Variants in SLC25A37 observed in about 807,000 individuals in gnomAD.
SLC25A37 encodes the protein mitoferrin-1.
Under a neutral mutation model 31.0 loss-of-function variants are expected in SLC25A37, and 17 were observed. The observed-to-expected ratio is 0.55, with a 90% confidence interval of 0.38 to 0.82. The LOEUF is 0.82. Ranked by LOEUF, SLC25A37 falls within the 40% of genes least tolerant of loss-of-function variation. SLC25A37 has a pLI of 0.00. For synonymous variants in SLC25A37, 222 were observed against 193.0 expected (o/e 1.15, Z -1.24); for missense variants, 404 against 465.8 (o/e 0.87, Z 1.22).
chr8:23,566,448 G>C (rs1047183797), intron 2 of SLC25A37, 112 bp downstream of exon 2: 1 of 1,489,628 alleles, frequency 6.7e-7, no homozygotes, highest in Non-Finnish European at 8.9e-7. Context: ...GCTTGCTCAC[G>C]AATAAAGAAC....
intron 1 of SLC25A37, among the ~76,000 whole-genome samples, chr8:23,538,529 G>GTGTGTGTGTGTGTGTGTT (rs1270010752): frequency 3.5e-4 from 53 of 151,186 alleles, no homozygotes; most frequent in Non-Finnish European, 6.5e-4. Flanking sequence ...TGTCGTGTGT[G>GTGTGTGTGTGTGTGTGTT]TGTGTGTGTG....
chr8:23,564,882 CCTACCTACCTATCTAAT>C (rs1480699865), intron 1 of SLC25A37, among the ~76,000 whole-genome samples: 3 of 152,020 alleles, frequency 2.0e-5, no homozygotes, highest in African/African-American at 7.3e-5. Context: ...TGTCTGTCTA[CCTACCTACCTATCTAAT>C]CTACCTACCT....
Position 23,529,260 on chromosome 8 carries a change from C to T in SLC25A37, c.210+48C>T. On this transcript the variant is annotated intron_variant, in intron 1 of 3. Transcript: ENST00000519973. The surrounding 1 kb of genome is among the most constrained non-coding windows in gnomAD (Gnocchi z 4.1). Reference sequence around the variant, plus strand: ...GGACGCAACGAGCGGAGAAGGAGCGCGCGCGCGCATTTGCATCCCGCGCGC... The same window carrying T: ...GGACGCAACGAGCGGAGAAGGAGCGTGCGCGCGCATTTGCATCCCGCGCGC... 3 of 1,545,418 alleles carry T rather than the reference C, an allele frequency of 1.9e-6. No individual in the cohort carries two copies. Among genetic ancestry groups the T allele is most frequent in the Non-Finnish European group, 2.6e-6 (3 of 1,143,186 alleles).
At position 23,571,976 on chromosome 8, in the gene SLC25A37, C is replaced by T; in HGVS notation, c.*121C>T. The T allele has an allele frequency of 1.8e-6, 2 of 1,123,892 alleles. No homozygotes were observed. The highest frequency in any genetic ancestry group is 2.6e-5 in the Admixed American group (1 of 38,986). 69.6% of individuals were successfully genotyped at this position (1,123,892 alleles called of 1,614,324 possible). ...GTGCTGCCTATGGGCCCTCTGCTCC[C>T]CAATGCCTTAGAGAGAGGAGGGGAC... On this transcript the variant is annotated 3_prime_UTR_variant, in exon 4 of 4. Transcript: ENST00000519973.
chr8:23,532,720 T>C (rs528685391), intron 1 of SLC25A37, among the ~76,000 whole-genome samples: 11 of 152,288 alleles, frequency 7.2e-5, no homozygotes, highest in Admixed American at 3.9e-4. Flanking sequence ...CACGGAGCGT[T>C]CCCTCTAGGA....
chr8:23,552,649 A>T (rs1802258308), intron 1 of SLC25A37, among the ~76,000 whole-genome samples: 1 of 152,144 alleles, frequency 6.6e-6, no homozygotes. Context: ...CATGGCACCT[A>T]GTTTCCCCAA....
At chr8:23,543,755 G>A (rs895718790) in intron 1 of SLC25A37, among the ~76,000 whole-genome samples, 1 of 151,748 alleles carries the variant, frequency 6.6e-6, no homozygotes, top group African/African-American at 2.4e-5. Flanking sequence ...GTATGGTCTC[G>A]ATCTCCTGAC....
chr8:23,560,425 C>G (rs1802485670), intron 1 of SLC25A37, among the ~76,000 whole-genome samples: 1 of 152,210 alleles, frequency 6.6e-6, no homozygotes, highest in Non-Finnish European at 1.5e-5. Context: ...TCCTTACACT[C>G]CTTCGAGGCA....
intron 1 of SLC25A37, among the ~76,000 whole-genome samples, chr8:23,551,558 G>T (rs1323049577): frequency 1.3e-5 from 2 of 151,386 alleles, no homozygotes. Context: ...TAAGAATGAC[G>T]TCTTTTTTGC....
chr8:23,530,083 C>G (rs750336349), intron 1 of SLC25A37, among the ~76,000 whole-genome samples: 5 of 152,206 alleles, frequency 3.3e-5, no homozygotes, highest in Non-Finnish European at 2.9e-5. Context: ...GCCCAGAACA[C>G]CCCAGGGCCA....
intron 1 of SLC25A37, among the ~76,000 whole-genome samples, chr8:23,546,537 A>ATATATATATATAGGTG (rs1802052021): frequency 4.3e-5 from 1 of 23,438 alleles, no homozygotes; most frequent in African/African-American, 3.7e-4. Flanking sequence ...AGGTGTATAT[A>ATATATATATATAGGTG]TATATATATA....
chr8:23,559,052 G>A (rs1320138518), intron 1 of SLC25A37, among the ~76,000 whole-genome samples: 1 of 152,228 alleles, frequency 6.6e-6, no homozygotes, highest in Non-Finnish European at 1.5e-5. Context: ...GTTTTCACAC[G>A]TGTGTTTGGT....
chr8:23,558,712 T>C (rs2117437845), intron 1 of SLC25A37, among the ~76,000 whole-genome samples: 1 of 152,268 alleles, frequency 6.6e-6, no homozygotes, highest in South Asian at 2.1e-4. Flanking sequence ...CTGGAGCAGA[T>C]CTGGAGCTGG....
At position 23,571,901 on chromosome 8, in the gene SLC25A37, A is replaced by G; in HGVS notation, c.*46A>G. 3 of 1,586,144 alleles carry G rather than the reference A, an allele frequency of 1.9e-6. No homozygotes were observed. The highest frequency in any genetic ancestry group is 2.3e-5 in the South Asian group (2 of 87,682). ...TTTCTTAAAGTCATTCTCTGCCTGC[A>G]TCCAGCCCCTTGCCCTCTCCTCACA... On this transcript the variant is annotated 3_prime_UTR_variant, in exon 4 of 4. Transcript: ENST00000519973.
At chr8:23,561,107 G>A (rs2117443121) in intron 1 of SLC25A37, among the ~76,000 whole-genome samples, 1 of 152,250 alleles carries the variant, frequency 6.6e-6, no homozygotes, top group South Asian at 2.1e-4. Context: ...AGAGCTGTCT[G>A]TTTGGGAACA....
chr8:23,528,956 CT>C lies in SLC25A37; in HGVS notation c.-46del. 7.2e-7 allele frequency: 1 copy of C among 1,392,904 alleles called. No homozygotes were observed. Among genetic ancestry groups the C allele is most frequent in the Non-Finnish European group, 9.3e-7 (1 of 1,069,564 alleles). 86.3% of individuals were successfully genotyped at this position (1,392,904 alleles called of 1,614,324 possible). On this transcript the variant is annotated 5_prime_UTR_variant, in exon 1 of 4. Coordinates refer to ENST00000519973, the MANE Select transcript of SLC25A37 (RefSeq NM_016612.4). ...GAAGTGAAGTTTTGCGCCCCTCCCC[CT>C]CCCTGCCCACCTCCTGCAGCCTCCT...
rs1802839314 is a variant in SLC25A37, at chr8:23,571,558, A to G, written c.720A>G (p.Ser240=). 6.2e-7 allele frequency: 1 copy of G among 1,613,574 alleles called. No homozygotes were observed. The highest frequency in any genetic ancestry group is 1.1e-5 in the South Asian group (1 of 91,052). The change falls in exon 4 of 4, where the codon TCA becomes TCG. Residue 240 remains serine (S), a synonymous_variant. Coordinates refer to ENST00000519973, the MANE Select transcript of SLC25A37 (RefSeq NM_016612.4). ...ACAACCCGCAGTCCCACATCATCTC[A>G]GGCGGGCTGGCCGGGGCCCTCGCCG... is the stretch of plus-strand genomic sequence containing the variant. ...RTYNPQSHII[S]GGLAGALAAA...
intron 1 of SLC25A37, among the ~76,000 whole-genome samples, chr8:23,533,689 T>C (rs1432221598): frequency 1.3e-5 from 2 of 152,244 alleles, no homozygotes; most frequent in African/African-American, 4.8e-5. Flanking sequence ...GCTTTTTGGC[T>C]CTTTTCCTGT....
intron 1 of SLC25A37, among the ~76,000 whole-genome samples, chr8:23,543,883 G>A (rs961691656): frequency 6.6e-6 from 1 of 151,532 alleles, no homozygotes; most frequent in Non-Finnish European, 1.5e-5. Context: ...TTATTGAGAC[G>A]GAGTTTCACT....
Sources: gnomAD v4.1 joint callset for allele counts (sites outside exome capture counted in the v4.1 genomes callset) on GRCh38, gnomAD v4.1.1 for gene constraint, Gnocchi (gnomAD v3.1) non-coding constraint, MANE v1.5 for transcripts, NCBI Gene and HGNC (gene_info 2026-07-23, HGNC 2026-07-21) for gene names.